Variants in PROSER1 observed in about 807,000 individuals in gnomAD.
PROSER1 encodes the protein proline and serine rich 1.
A neutral mutation model predicts 71.8 loss-of-function variants in PROSER1; 36 were observed. The ratio of observed to expected loss-of-function variants is 0.50; its 90% CI spans 0.38 to 0.66. PROSER1 has a LOEUF of 0.66. Ranked by LOEUF, PROSER1 falls within the 30% of genes least tolerant of loss-of-function variation. The pLI is 0.00. For synonymous variants in PROSER1, 490 were observed against 452.4 expected (o/e 1.08, Z -1.06); for missense variants, 1,107 against 1,135.0 (o/e 0.98, Z 0.35).
chr13:39,011,440 C>G lies in PROSER1; in HGVS notation c.2760G>C (p.Gly920=). 1 of 1,613,900 alleles carries G rather than the reference C, an allele frequency of 6.2e-7. No individual in the cohort carries two copies. The highest frequency in any genetic ancestry group is 8.5e-7 in the Non-Finnish European group (1 of 1,179,816). The change falls in exon 13 of 13, where the codon GGG becomes GGC. Residue 920 remains glycine, a synonymous_variant. Coordinates refer to ENST00000352251, the MANE Select transcript of PROSER1 (RefSeq NM_025138.5). ...CTGGCGCTGAAGGATAACTAGGAAA[C>G]CCATCAGGCTGAGCTGGATAGCTTT... ...ALESYPAQPD[G]FPSYPSAPGT... is the part of the protein sequence containing the mutation.
chr13:39,013,534 A>G lies in PROSER1; in HGVS notation c.1718T>C (p.Val573Ala). ...AAGGGAGGCTGAGGAGCCACAGCTA[A>G]CTGGCACTGACGTGGAAGCTGATGC... ...TAASASTSVP[V>A]SCGSSASLLR... is the part of the protein sequence containing the mutation. The change falls in exon 11 of 13, where the codon GTT becomes GCT. Residue 573 changes from valine to alanine, a missense_variant. Coordinates refer to ENST00000352251, the MANE Select transcript of PROSER1 (RefSeq NM_025138.5). 1.9e-6 allele frequency: 3 copies of G among 1,614,116 alleles called. No homozygotes were observed. The highest frequency in any genetic ancestry group is 1.7e-6 in the Non-Finnish European group (2 of 1,180,008).
At chr13:39,029,852 G>A (rs960788695) in intron 3 of PROSER1, among the ~76,000 whole-genome samples, 1 of 152,142 alleles carries the variant, frequency 6.6e-6, no homozygotes, top group African/African-American at 2.4e-5. Flanking sequence ...GTAGGGAAAA[G>A]CTGGGTTAAA....
chr13:39,013,341 C>G lies in PROSER1; in HGVS notation c.1911G>C (p.Gly637=), dbSNP rs763444925. Residue 637 remains glycine, a synonymous_variant, in exon 11 of 13, where the codon GGG becomes GGC. Transcript: ENST00000352251. ...TTGAAGTATATGCACGGCCCAATGT[C>G]CCTGACAAACCTAAAGTGCCATGAG... ...NPSHGTLGLS[G]TLGRAYTSTS... The G allele has an allele frequency of 6.2e-7, 1 of 1,614,144 alleles. No individual in the cohort carries two copies. The highest frequency in any genetic ancestry group is 1.1e-5 in the South Asian group (1 of 91,080).
chr13:39,019,608 A>G (rs983737032), intron 9 of PROSER1, among the ~76,000 whole-genome samples: 6 of 146,502 alleles, frequency 4.1e-5, no homozygotes, highest in African/African-American at 2.7e-5. Context: ...ACAACCATTA[A>G]GAATAAGAAG....
Position 39,012,098 on chromosome 13 carries a change from T to G in PROSER1, c.2697A>C (p.Ser899=), listed in dbSNP as rs750776639. Residue 899 remains serine, a synonymous_variant, in exon 12 of 13, where the codon TCA becomes TCC. Coordinates refer to ENST00000352251, the MANE Select transcript of PROSER1 (RefSeq NM_025138.5). ...TGCTGCTTACCTGCTGTAACAATGC[T>G]GACTGCGCAGCCGCATTATGCTGTA... ...QELQHNAAAQ[S]ALLQQVHSAS... 1.2e-6 allele frequency: 2 copies of G among 1,613,666 alleles called. No homozygotes were observed. Among genetic ancestry groups the G allele is most frequent in the African/African-American group, 2.7e-5 (2 of 74,924 alleles).
At position 39,010,919 on chromosome 13, in the gene PROSER1, T is replaced by C. The variant is rs974122126; in HGVS notation, c.*446A>G. 2.5e-5 allele frequency: 4 copies of C among 161,498 alleles called. No homozygotes were observed. The highest frequency in any genetic ancestry group is 1.8e-4 in the East Asian group (1 of 5,408). The allele number at this position is 161,498 out of a possible 1,614,324, so 10.0% of individuals were successfully genotyped here. On this transcript the variant is annotated 3_prime_UTR_variant, in exon 13 of 13. Coordinates refer to ENST00000352251, the MANE Select transcript of PROSER1 (RefSeq NM_025138.5). Reference sequence around the variant, plus strand: ...AGTACTGAGTTCCCACTGATGCTAATAGGAACCGCTCATGCATACCAAGGG... The same window carrying C: ...AGTACTGAGTTCCCACTGATGCTAACAGGAACCGCTCATGCATACCAAGGG...
intron 7 of PROSER1, 114 bp from the exon 8 acceptor site, chr13:39,023,244 T>C (rs1353904378): frequency 5.3e-6 from 4 of 755,298 alleles, no homozygotes; most frequent in Non-Finnish European, 9.3e-6. Flanking sequence ...CCGCATATCA[T>C]ACTACTGGAC....
At chr13:39,031,999 A>G (rs1870868617) in intron 2 of PROSER1, among the ~76,000 whole-genome samples, 1 of 152,176 alleles carries the variant, frequency 6.6e-6, no homozygotes, top group African/African-American at 2.4e-5. Flanking sequence ...ATACAGAAAA[A>G]AACAAAGTAT....
In PROSER1 at chr13:39,032,842, T is replaced by C. The variant is rs571888674; in HGVS notation, c.112-1211A>G. Among the ~76,000 whole-genome samples the C allele has an allele frequency of 1.3e-3, 203 of 152,320 alleles. 2 individuals are homozygous for C. The highest frequency in any genetic ancestry group is 4.7e-3 in the African/African-American group (196 of 41,572). ...TGACTTTAGCAAAGTGGAAGCATCA[T>C]TAAGGGTGGTACATCACATACACCC... On this transcript the variant is annotated intron_variant, in intron 2 of 12. Transcript: ENST00000352251.
chr13:39,032,003 A>G (rs900629054), intron 2 of PROSER1, among the ~76,000 whole-genome samples: 1 of 152,192 alleles, frequency 6.6e-6, no homozygotes, highest in Non-Finnish European at 1.5e-5. Context: ...AGAAAAAAAC[A>G]AAGTATCCTA....
At chr13:39,018,473 G>C (rs1400166283) in intron 9 of PROSER1, among the ~76,000 whole-genome samples, 5 of 120,254 alleles carry the variant, frequency 4.2e-5, no homozygotes, top group East Asian at 2.6e-4. Context: ...TTTAAAACCC[G>C]ACACACACAC....
At position 39,024,472 on chromosome 13, in the gene PROSER1, C is replaced by G; in HGVS notation, c.564+1G>C. 6.2e-7 allele frequency: 1 copy of G among 1,601,752 alleles called. No homozygotes were observed. Among genetic ancestry groups the G allele is most frequent in the South Asian group, 1.1e-5 (1 of 89,964 alleles). ...CTTGTTTCATCATTTTCTAAACATACTGGTTTGGATGGCCCAAGAATTCGT... is the reference window on the plus strand; with the variant it reads ...CTTGTTTCATCATTTTCTAAACATAGTGGTTTGGATGGCCCAAGAATTCGT... On this transcript the variant is annotated splice_donor_variant, in intron 7 of 12. Transcript: ENST00000352251. LOFTEE classifies it high-confidence loss of function.
At chr13:39,014,579 A>G in intron 10 of PROSER1, 103 bp from the exon 11 acceptor site, 1 of 832,600 alleles carries the variant, frequency 1.2e-6, no homozygotes, top group Non-Finnish European at 1.8e-6. Context: ...ACAAATACCA[A>G]ATAAAAAATG....
At chr13:39,027,922 T>A (rs1870620599) in intron 5 of PROSER1, among the ~76,000 whole-genome samples, 1 of 152,064 alleles carries the variant, frequency 6.6e-6, no homozygotes. Context: ...CCTAAGTACA[T>A]AAAGTTTAAA....
chr13:39,026,938 C>T (rs1416915604), intron 5 of PROSER1, among the ~76,000 whole-genome samples: 1 of 152,162 alleles, frequency 6.6e-6, no homozygotes. Context: ...TAGGTCTAAG[C>T]TGTTTATTAC....
chr13:39,036,436 AT>A (rs1477081407), intron 1 of PROSER1, among the ~76,000 whole-genome samples: 1 of 152,184 alleles, frequency 6.6e-6, no homozygotes, highest in African/African-American at 2.4e-5. Flanking sequence ...CGAAAGAATA[AT>A]TGCCCGGAAG....
At chr13:39,016,796 G>A (rs1165025971) in intron 10 of PROSER1, among the ~76,000 whole-genome samples, 3 of 152,166 alleles carry the variant, frequency 2.0e-5, no homozygotes, top group Admixed American at 2.0e-4. Context: ...CAGCTGAGAA[G>A]CACCTGCTAG....
At chr13:39,026,633 A>C in intron 5 of PROSER1, among the ~76,000 whole-genome samples, 1 of 152,220 alleles carries the variant, frequency 6.6e-6, no homozygotes, top group East Asian at 1.9e-4. Flanking sequence ...ATGTCTTCAC[A>C]GTAGATTTTG....
At position 39,034,153 on chromosome 13, in the gene PROSER1, T is replaced by G; in HGVS notation, c.89A>C (p.His30Pro). 6.3e-7 allele frequency: 1 copy of G among 1,586,632 alleles called. No homozygotes were observed. Among genetic ancestry groups the G allele is most frequent in the Non-Finnish European group, 8.5e-7 (1 of 1,170,064 alleles). Residue 30 changes from histidine (H) to proline (P), a missense_variant, in exon 2 of 13, where the codon CAT becomes CCT. His to Pro is a moderately conservative substitution (Grantham distance 77). Coordinates refer to ENST00000352251, the MANE Select transcript of PROSER1 (RefSeq NM_025138.5). The part of the protein sequence containing the change: ...EYKLKAIEYV[H>P]GYFSSEQVVD... ...TACCTGTTCACTAGAAAAGTATCCATGCACATATTCAATTGCTTTTAATTT... is the reference window on the plus strand; with the variant it reads ...TACCTGTTCACTAGAAAAGTATCCAGGCACATATTCAATTGCTTTTAATTT...
Sources: gnomAD v4.1 joint callset for allele counts (sites outside exome capture counted in the v4.1 genomes callset) on GRCh38, gnomAD v4.1.1 for gene constraint, MANE v1.5 for transcripts, NCBI Gene and HGNC (gene_info 2026-07-23, HGNC 2026-07-21) for gene names.